Variants in DLGAP2 observed in about 807,000 individuals in gnomAD.
DLGAP2 encodes disks large-associated protein 2.
A neutral mutation model predicts 100.3 loss-of-function variants in DLGAP2; 26 were observed. The observed-to-expected ratio is 0.26, with a 90% CI of 0.19 to 0.36. The LOEUF is 0.36. Among genes scored for constraint, DLGAP2 ranks in the 10% least tolerant of loss-of-function variants. DLGAP2 has a pLI of 1.00. For missense variants in DLGAP2, 1,858 were observed against 1,453.2 expected, an observed-to-expected ratio of 1.28 and a Z score of -4.53; for synonymous variants, 886 against 630.1, an observed-to-expected ratio of 1.41 and a Z score of -6.08.
chr8:1,092,183 C>G (rs1804207657), intron 2 of DLGAP2, among the ~76,000 whole-genome samples: 1 of 152,146 alleles, frequency 6.6e-6, no homozygotes. Flanking sequence ...CTGGGTGCAG[C>G]TGGCCTCACA....
At chr8:1,081,275 C>A (rs1277800177) in intron 2 of DLGAP2, among the ~76,000 whole-genome samples, 2 of 152,154 alleles carry the variant, frequency 1.3e-5, no homozygotes, top group African/African-American at 4.8e-5. Context: ...AGTAAAAACT[C>A]AATAAAAATT....
chr8:1,636,228 G>T (rs770256139), intron 8 of DLGAP2, among the ~76,000 whole-genome samples: 15 of 152,138 alleles, frequency 9.9e-5, no homozygotes, highest in African/African-American at 3.4e-4. Flanking sequence ...AAGGAAAATG[G>T]TGTAAAATTA....
chr8:913,841 A>G (rs892511565), intron 2 of DLGAP2, among the ~76,000 whole-genome samples: 4 of 152,236 alleles, frequency 2.6e-5, no homozygotes, highest in African/African-American at 9.6e-5. Context: ...TATGAGGCAG[A>G]ACAGCACGGT....
intron 7 of DLGAP2, among the ~76,000 whole-genome samples, chr8:1,629,655 T>G (rs79925732): frequency 0.012 from 1,759 of 152,342 alleles, 42 homozygotes; most frequent in African/African-American, 0.041. Flanking sequence ...TCACCTTCCC[T>G]TTCAGTGGAT....
chr8:1,554,173 A>G (rs935638940), intron 5 of DLGAP2, among the ~76,000 whole-genome samples: 13 of 152,186 alleles, frequency 8.5e-5, no homozygotes, highest in African/African-American at 3.1e-4. Flanking sequence ...CTGTAGCCCC[A>G]GCTACTCAGG....
chr8:1,103,936 C>T (rs1209570156), intron 2 of DLGAP2, among the ~76,000 whole-genome samples: 2 of 152,222 alleles, frequency 1.3e-5, no homozygotes, highest in East Asian at 3.8e-4. Context: ...GGTGAGGATG[C>T]CAGTGATGGA....
Position 1,308,646 on chromosome 8 carries a change from C to T in DLGAP2, c.106+49763C>T, listed in dbSNP as rs919317028. Among the ~76,000 whole-genome samples, 5 of 152,182 alleles carry T rather than the reference C, an allele frequency of 3.3e-5. 1 individual carries two copies. Among genetic ancestry groups the T allele is most frequent in the South Asian group, 4.1e-4 (2 of 4,828 alleles). On this transcript the variant is annotated intron_variant, in intron 3 of 14. Coordinates refer to ENST00000637795, the MANE Select transcript of DLGAP2 (RefSeq NM_001346810.2). ...GTTCAAGTGATTCTCCTGCCTCAGC[C>T]TCCTGACTAGTTGGGACTACAGGTG...
At chr8:834,890 A>G (rs1458359696) in intron 1 of DLGAP2, among the ~76,000 whole-genome samples, 1 of 152,154 alleles carries the variant, frequency 6.6e-6, no homozygotes, top group African/African-American at 2.4e-5. Flanking sequence ...TAAAAACAAA[A>G]ACAAACTTTC....
At chr8:774,093 G>C (rs1220196258) in intron 1 of DLGAP2, among the ~76,000 whole-genome samples, 1 of 152,134 alleles carries the variant, frequency 6.6e-6, no homozygotes, top group South Asian at 2.1e-4. Context: ...TTTCTCTGAT[G>C]GCCAGTGACG....
chr8:1,167,190 G>A (rs1479635632), intron 2 of DLGAP2, among the ~76,000 whole-genome samples: 2 of 152,032 alleles, frequency 1.3e-5, no homozygotes, highest in Admixed American at 6.6e-5. Context: ...TTACATGACC[G>A]AAAAAGTTAG....
chr8:1,031,003 A>T (rs1030610085), intron 2 of DLGAP2, among the ~76,000 whole-genome samples: 1 of 152,182 alleles, frequency 6.6e-6, no homozygotes, highest in Non-Finnish European at 1.5e-5. Context: ...TTTAGAAAAT[A>T]ATATTTTTTA....
At chr8:976,710 C>T (rs942798114) in intron 2 of DLGAP2, among the ~76,000 whole-genome samples, 11 of 152,108 alleles carry the variant, frequency 7.2e-5, no homozygotes, top group African/African-American at 1.9e-4. Flanking sequence ...TTTTCAAAAA[C>T]GGTGCTGGAA....
At chr8:956,074 A>T (rs920325005) in intron 2 of DLGAP2, among the ~76,000 whole-genome samples, 5 of 152,180 alleles carry the variant, frequency 3.3e-5, no homozygotes, top group African/African-American at 1.2e-4. Context: ...TGTTTTGAGG[A>T]TGGTTACCAA....
intron 1 of DLGAP2, among the ~76,000 whole-genome samples, chr8:825,864 T>C (rs1796676816): frequency 2.0e-5 from 3 of 152,352 alleles, no homozygotes; most frequent in Admixed American, 6.5e-5. Flanking sequence ...TTATACTCTT[T>C]TAGTTATTTT....
At chr8:926,648 C>T (rs76475312) in intron 2 of DLGAP2, among the ~76,000 whole-genome samples, 1,822 of 152,324 alleles carry the variant, frequency 0.012, 41 homozygotes, top group African/African-American at 0.042. Context: ...CCTGGGCGGC[C>T]GTGGCCAGGG....
chr8:790,940 A>G (rs1822009698), intron 1 of DLGAP2, among the ~76,000 whole-genome samples: 1 of 152,028 alleles, frequency 6.6e-6, no homozygotes. Context: ...ATGAGGTTTC[A>G]CCATGTTGCC....
intron 3 of DLGAP2, among the ~76,000 whole-genome samples, chr8:1,309,914 G>A (rs1800575300): frequency 6.6e-6 from 1 of 152,156 alleles, no homozygotes; most frequent in Admixed American, 6.5e-5. Context: ...AGCCAACATG[G>A]TGAAAACCCA....
intron 2 of DLGAP2, among the ~76,000 whole-genome samples, chr8:925,844 TGTTCCA>T: frequency 6.6e-6 from 1 of 152,058 alleles, no homozygotes; most frequent in African/African-American, 2.4e-5. Context: ...AAAAATGTGG[TGTTCCA>T]GTTCAAAGGC....
chr8:1,360,171 C>T (rs943752172), intron 3 of DLGAP2, among the ~76,000 whole-genome samples: 3 of 146,324 alleles, frequency 2.1e-5, no homozygotes, highest in East Asian at 4.3e-4. Context: ...TAAGGGTTAG[C>T]GACTCCTGCT....
Sources: allele counts gnomAD v4.1 joint callset (sites outside exome capture counted in the v4.1 genomes callset), GRCh38; gene constraint gnomAD v4.1.1; transcripts MANE v1.5; gene names NCBI Gene and HGNC (gene_info 2026-07-23, HGNC 2026-07-21).